ABCD3: variants seen among roughly 807,000 people sequenced by gnomAD.
The protein encoded by ABCD3 is ATP binding cassette subfamily D member 3, also known as ATP-binding cassette sub-family D member 3.
ABCD3 carries 41 observed loss-of-function variants against 105.5 expected under a neutral mutation model. The observed-to-expected ratio is 0.39, with a 90% CI of 0.30 to 0.50. The LOEUF is 0.50. ABCD3 is among the 20% of genes least tolerant of loss of function. The probability of loss-of-function intolerance (pLI) is 0.84; values close to 1 mark genes in which losing one functional copy is unlikely to be tolerated. For synonymous variants in ABCD3, 258 were observed against 269.0 expected, an observed-to-expected ratio of 0.96 and a Z score of 0.40; for missense variants, 622 against 806.3, an observed-to-expected ratio of 0.77 and a Z score of 2.77.
intron 1 of ABCD3, among the ~76,000 whole-genome samples, chr1:94,443,001 G>A (rs560035101): frequency 6.6e-6 from 1 of 152,070 alleles, no homozygotes; most frequent in South Asian, 2.1e-4. Flanking sequence ...ATTGCTGGAT[G>A]GAATGGTAGT....
chr1:94,399,097 A>G, the ABCD3 span, among the ~76,000 whole-genome samples: 3 of 152,184 alleles, frequency 2.0e-5, no homozygotes, highest in Admixed American at 1.3e-4. Flanking sequence ...AAAATGCACA[A>G]AGTCATGTAC....
chr1:94,499,860 T>C (rs1249707878), intron 20 of ABCD3, among the ~76,000 whole-genome samples: 1 of 152,188 alleles, frequency 6.6e-6, no homozygotes, highest in Non-Finnish European at 1.5e-5. Flanking sequence ...ATACCAATAA[T>C]CCATTTTTCT....
chr1:94,514,333 A>G (rs1038212293), intron 21 of ABCD3: 3 of 152,054 alleles, frequency 2.0e-5, no homozygotes, highest in South Asian at 2.1e-4. Context: ...GAAAATAAAA[A>G]TGCCTCCAGT....
chr1:94,496,694 GTTTTTTTTTT>G (rs71094302), intron 16 of ABCD3, among the ~76,000 whole-genome samples: 14 of 39,370 alleles, frequency 3.6e-4, no homozygotes, highest in East Asian at 2.2e-3. Context: ...CCTTGTTTCT[GTTTTTTTTTT>G]TTTTTTTTTT....
intron 21 of ABCD3, among the ~76,000 whole-genome samples, chr1:94,508,617 C>T (rs1253444423): frequency 6.7e-6 from 1 of 149,428 alleles, no homozygotes; most frequent in Admixed American, 6.7e-5. Flanking sequence ...ATTCTTCCTA[C>T]CCATGAGCAT....
intron 20 of ABCD3, among the ~76,000 whole-genome samples, chr1:94,499,952 C>G (rs965866658): frequency 1.3e-5 from 2 of 152,124 alleles, no homozygotes; most frequent in African/African-American, 4.8e-5. Flanking sequence ...CTTCTCATGT[C>G]TCTTCCCTAT....
upstream of ABCD3, among the ~76,000 whole-genome samples, chr1:94,416,201 T>C (rs1658997248): frequency 6.6e-6 from 1 of 152,228 alleles, no homozygotes; most frequent in South Asian, 2.1e-4. Context: ...GGTTCCCAAC[T>C]CTTTTCTAGC....
chr1:94,403,423 T>C, the ABCD3 span, among the ~76,000 whole-genome samples: 1 of 152,228 alleles, frequency 6.6e-6, no homozygotes, highest in South Asian at 2.1e-4. Flanking sequence ...TTTAAGATTA[T>C]GAAAATATCC....
At chr1:94,483,051 G>C (rs1028214265) in intron 9 of ABCD3, 119 bp from the exon 10 acceptor site, 4 of 725,172 alleles carry the variant, frequency 5.5e-6, no homozygotes, top group Non-Finnish European at 7.4e-6. Context: ...CACCAGATAA[G>C]CTCTTAGTCA....
intron 1 of ABCD3, among the ~76,000 whole-genome samples, chr1:94,419,151 C>T (rs1281184407): frequency 1.3e-5 from 2 of 152,212 alleles, no homozygotes; most frequent in Non-Finnish European, 2.9e-5. Flanking sequence ...TCCCGGTCCA[C>T]TTGGCAGGAT....
At chr1:94,418,823 T>A in intron 1 of ABCD3, 1 of 556,138 alleles carries the variant, frequency 1.8e-6, no homozygotes, top group Non-Finnish European at 3.2e-6. Context: ...TGCGAATTCT[T>A]CTGTGCCCGC....
At chr1:94,394,628 T>C in the ABCD3 span, among the ~76,000 whole-genome samples, 2 of 152,094 alleles carry the variant, frequency 1.3e-5, no homozygotes, top group East Asian at 3.9e-4. Context: ...GAGAGGAAAA[T>C]GCTTGTGCTG....
chr1:94,509,668 C>T (rs1230934220), intron 21 of ABCD3, among the ~76,000 whole-genome samples: 1 of 152,150 alleles, frequency 6.6e-6, no homozygotes, highest in Admixed American at 6.5e-5. Context: ...ATTTCAGCTC[C>T]TGTTATTGGT....
At chr1:94,443,034 A>C (rs1660189721) in intron 1 of ABCD3, among the ~76,000 whole-genome samples, 1 of 152,206 alleles carries the variant, frequency 6.6e-6, no homozygotes, top group Admixed American at 6.5e-5. Flanking sequence ...TCTTTGAGAA[A>C]TCACCATACT....
intron 20 of ABCD3, among the ~76,000 whole-genome samples, chr1:94,505,635 A>G (rs1366817850): frequency 6.6e-6 from 1 of 152,134 alleles, no homozygotes; most frequent in Non-Finnish European, 1.5e-5. Flanking sequence ...GAATACAGGA[A>G]AAAGAGGAGG....
At chr1:94,468,031 C>CTA in intron 4 of ABCD3, 24 bp downstream of exon 4, 5 of 1,505,682 alleles carry the variant, frequency 3.3e-6, no homozygotes, top group Non-Finnish European at 4.6e-6. Flanking sequence ...CACCTTCCTC[C>CTA]TATATGTATG....
intron 1 of ABCD3, among the ~76,000 whole-genome samples, chr1:94,421,134 A>G (rs1237793133): frequency 1.3e-5 from 2 of 152,090 alleles, no homozygotes; most frequent in Non-Finnish European, 2.9e-5. Context: ...AGAATAATAC[A>G]AGGATTGCCC....
chr1:94,445,803 C>G (rs780894633), intron 1 of ABCD3, among the ~76,000 whole-genome samples: 8 of 152,124 alleles, frequency 5.3e-5, no homozygotes, highest in Non-Finnish European at 1.0e-4. Context: ...TTCAGCTGCT[C>G]AGGATATAGC....
chr1:94,455,685 T>G (rs1380894075), intron 1 of ABCD3: 2 of 477,482 alleles, frequency 4.2e-6, no homozygotes, highest in African/African-American at 4.0e-5. Flanking sequence ...GATTATGTGT[T>G]CAGGCCAATT....
Sources: allele counts gnomAD v4.1 joint callset (sites outside exome capture counted in the v4.1 genomes callset), GRCh38; gene constraint gnomAD v4.1.1; transcripts MANE v1.5; gene names NCBI Gene and HGNC (gene_info 2026-07-23, HGNC 2026-07-21).